Variants in INPP4B observed in about 807,000 individuals in gnomAD.
INPP4B encodes inositol polyphosphate 4-phosphatase type II.
Under a neutral mutation model 122.5 loss-of-function variants are expected in INPP4B, and 55 were observed. That is an observed-to-expected ratio of 0.45 (90% CI 0.36 to 0.56). The LOEUF is 0.56. Among genes scored for constraint, INPP4B ranks in the 20% least tolerant of loss-of-function variants. INPP4B has a pLI of 0.00. For synonymous variants in INPP4B, 403 were observed against 388.7 expected (o/e 1.04, Z -0.43); for missense variants, 1,000 against 1,097.7 (o/e 0.91, Z 1.26).
rs114156074 is a variant in INPP4B, at chr4:142,686,579, G to A, written c.-191+39260C>T. Among the ~76,000 whole-genome samples, 1,423 of 152,106 alleles carry A rather than the reference G, an allele frequency of 9.4e-3. 20 individuals are homozygous for A. Among genetic ancestry groups the A allele is most frequent in the African/African-American group, 0.033 (1,358 of 41,516 alleles). ...ACACAAAAGAAAAATCAAGGATCCC[G>A]AAAATATTGTTACATCTTTGACATT... On this transcript the variant is annotated intron_variant, in intron 2 of 25. Transcript: ENST00000262992.
chr4:142,425,886 T>C (rs1157282431), intron 5 of INPP4B, among the ~76,000 whole-genome samples: 1 of 152,024 alleles, frequency 6.6e-6, no homozygotes, highest in African/African-American at 2.4e-5. Flanking sequence ...CCCATTCGTA[T>C]CACAATCAAC....
In INPP4B at chr4:142,030,250, G is replaced by C. The variant is rs1210848211; in HGVS notation, c.2643-1336C>G. 9 of 1,535,474 alleles carry C rather than the reference G, an allele frequency of 5.9e-6. No individual in the cohort carries two copies. In the African/African-American group the frequency reaches 9.6e-5, roughly 16 times the overall value. On this transcript the variant is annotated intron_variant, in intron 25 of 25. Transcript: ENST00000262992. ...CGAGAAGTTGGCTTGTTATCAGTTAGACAGCCTGTTTCAGGATCATCGGAT... is the reference window on the plus strand; with the variant it reads ...CGAGAAGTTGGCTTGTTATCAGTTACACAGCCTGTTTCAGGATCATCGGAT...
chr4:142,488,730 T>C (rs1011821391), intron 2 of INPP4B, among the ~76,000 whole-genome samples: 2 of 152,144 alleles, frequency 1.3e-5, no homozygotes, highest in Non-Finnish European at 2.9e-5. Context: ...CATATTTGTC[T>C]TCTCTGTCAA....
At chr4:142,157,482 A>C (rs1314025340) in intron 17 of INPP4B, among the ~76,000 whole-genome samples, 1 of 152,260 alleles carries the variant, frequency 6.6e-6, no homozygotes, top group East Asian at 1.9e-4. Context: ...TAATTATGGT[A>C]AATTTAGGCA....
At chr4:142,173,126 G>C (rs1826366672) in intron 16 of INPP4B, among the ~76,000 whole-genome samples, 1 of 151,846 alleles carries the variant, frequency 6.6e-6, no homozygotes, top group South Asian at 2.1e-4. Context: ...GACACATTTG[G>C]AAATTTTTGG....
At chr4:142,620,457 T>TAC (rs370731796) in intron 2 of INPP4B, among the ~76,000 whole-genome samples, 8 of 151,514 alleles carry the variant, frequency 5.3e-5, no homozygotes, top group East Asian at 1.9e-4. Context: ...ATACTTTGAG[T>TAC]ACACACACAC....
intron 7 of INPP4B, among the ~76,000 whole-genome samples, chr4:142,350,237 T>C (rs1029150134): frequency 1.3e-5 from 2 of 152,040 alleles, no homozygotes; most frequent in Non-Finnish European, 2.9e-5. Flanking sequence ...TGTATGTCCT[T>C]GCTTTATTTG....
chr4:142,108,585 C>T (rs577416802), intron 22 of INPP4B, among the ~76,000 whole-genome samples: 2 of 152,208 alleles, frequency 1.3e-5, no homozygotes, highest in African/African-American at 4.8e-5. Context: ...TCACTCGTGG[C>T]AGCTGAGGGA....
chr4:142,640,767 A>G (rs1750210399), intron 2 of INPP4B, among the ~76,000 whole-genome samples: 1 of 152,100 alleles, frequency 6.6e-6, no homozygotes, highest in African/African-American at 2.4e-5. Context: ...AGGGACTTTG[A>G]AAAGCATTTT....
intron 2 of INPP4B, among the ~76,000 whole-genome samples, chr4:142,532,372 A>G (rs1244722834): frequency 1.3e-5 from 2 of 151,894 alleles, no homozygotes; most frequent in African/African-American, 4.8e-5. Context: ...TTTTACTCTC[A>G]TCCCCTCATC....
chr4:142,768,490 T>C (rs1772505132), intron 1 of INPP4B, among the ~76,000 whole-genome samples: 1 of 152,142 alleles, frequency 6.6e-6, no homozygotes. Context: ...AGCAGTCACA[T>C]AGGAGTGGCC....
intron 1 of INPP4B, among the ~76,000 whole-genome samples, chr4:142,728,770 G>A (rs949186517): frequency 6.6e-6 from 1 of 152,048 alleles, no homozygotes. Context: ...GAGAGAGCAG[G>A]GCCCTGCCGA....
chr4:142,834,859 T>G (rs1782594676), intron 1 of INPP4B, among the ~76,000 whole-genome samples: 1 of 152,210 alleles, frequency 6.6e-6, no homozygotes, highest in African/African-American at 2.4e-5. Flanking sequence ...TCATCACTGC[T>G]AGGGCATTGT....
chr4:142,744,467 G>C (rs2150928246), intron 1 of INPP4B, among the ~76,000 whole-genome samples: 1 of 151,776 alleles, frequency 6.6e-6, no homozygotes, highest in Non-Finnish European at 1.5e-5. Context: ...TCCTAAAAAA[G>C]ATCAAATTAA....
intron 7 of INPP4B, among the ~76,000 whole-genome samples, chr4:142,385,372 T>C (rs1212591391): frequency 6.9e-6 from 1 of 145,274 alleles, no homozygotes; most frequent in Non-Finnish European, 1.5e-5. Flanking sequence ...TACTGAACCT[T>C]AAAAAAAAAA....
chr4:142,470,400 G>A (rs1200363732), intron 2 of INPP4B, among the ~76,000 whole-genome samples: 1 of 152,066 alleles, frequency 6.6e-6, no homozygotes, highest in African/African-American at 2.4e-5. Flanking sequence ...CTAACAAATT[G>A]GCAAAGAAGA....
chr4:142,828,135 A>T (rs1270934343), intron 1 of INPP4B, among the ~76,000 whole-genome samples: 1 of 152,176 alleles, frequency 6.6e-6, no homozygotes, highest in African/African-American at 2.4e-5. Context: ...AGCTCACAAG[A>T]AATTAAAGAA....
intron 2 of INPP4B, among the ~76,000 whole-genome samples, chr4:142,683,440 G>T (rs990708203): frequency 1.3e-5 from 2 of 151,812 alleles, no homozygotes; most frequent in African/African-American, 4.8e-5. Context: ...AACAGATGCA[G>T]CACAGAGTAT....
intron 7 of INPP4B, among the ~76,000 whole-genome samples, chr4:142,356,860 C>T (rs1447218380): frequency 6.6e-6 from 1 of 151,810 alleles, no homozygotes; most frequent in Non-Finnish European, 1.5e-5. Flanking sequence ...CCCCAGCCCT[C>T]ATCCTGCAGG....
Sources: gnomAD v4.1 joint callset for allele counts (sites outside exome capture counted in the v4.1 genomes callset) on GRCh38, gnomAD v4.1.1 for gene constraint, MANE v1.5 for transcripts, NCBI Gene and HGNC (gene_info 2026-07-23, HGNC 2026-07-21) for gene names.